The following GRM7 variants were observed in gnomAD, a reference collection of about 807,000 sequenced individuals.
The protein encoded by GRM7 is glutamate metabotropic receptor 7.
In GRM7, 35 loss-of-function variants were observed where a neutral mutation model predicts 84.5. That is an observed-to-expected ratio of 0.41 (90% CI 0.32 to 0.55). The LOEUF (loss-of-function observed/expected upper bound fraction) is 0.55, where lower values mean the gene tolerates loss of function less well. GRM7 is among the 20% of genes least tolerant of loss of function. The pLI is 0.19. For synonymous variants in GRM7, 487 were observed against 455.1 expected (o/e 1.07, Z -0.89); for missense variants, 1,003 against 1,194.6 (o/e 0.84, Z 2.36).
chr3:7,191,320 A>C (rs534936804), intron 2 of GRM7, among the ~76,000 whole-genome samples: 2 of 152,122 alleles, frequency 1.3e-5, no homozygotes, highest in South Asian at 4.2e-4. Context: ...CTTTATACCG[A>C]GACAACCAAA....
chr3:7,031,260 C>T (rs1002615764), intron 1 of GRM7, among the ~76,000 whole-genome samples: 7 of 152,000 alleles, frequency 4.6e-5, no homozygotes, highest in South Asian at 2.1e-4. Flanking sequence ...TCTCTTCACA[C>T]CTAAAATTCC....
chr3:6,987,552 G>T (rs941889623), intron 1 of GRM7, among the ~76,000 whole-genome samples: 1 of 152,168 alleles, frequency 6.6e-6, no homozygotes, highest in East Asian at 1.9e-4. Flanking sequence ...AGTGCAAAAA[G>T]CTTCAAGGCA....
At chr3:7,649,849 C>T (rs771590896) in intron 8 of GRM7, among the ~76,000 whole-genome samples, 13 of 151,094 alleles carry the variant, frequency 8.6e-5, no homozygotes, top group Non-Finnish European at 1.5e-4. Flanking sequence ...CAGGTTTGGG[C>T]GGGGGGGTAC....
At chr3:7,362,779 G>A (rs1480500959) in intron 4 of GRM7, among the ~76,000 whole-genome samples, 1 of 152,130 alleles carries the variant, frequency 6.6e-6, no homozygotes, top group Non-Finnish European at 1.5e-5. Context: ...CCTACTGCCT[G>A]ATACTTGAGT....
At chr3:6,939,472 G>A (rs990068013) in intron 1 of GRM7, among the ~76,000 whole-genome samples, 1 of 151,892 alleles carries the variant, frequency 6.6e-6, no homozygotes, top group African/African-American at 2.4e-5. Context: ...GTTATTTTGG[G>A]CACAGAGGAA....
At chr3:7,731,548 A>T (rs544207613) in intron 9 of GRM7, among the ~76,000 whole-genome samples, 1 of 152,290 alleles carries the variant, frequency 6.6e-6, no homozygotes, top group South Asian at 2.1e-4. Context: ...TTAGGCTACA[A>T]TTTAAATGAT....
chr3:7,571,382 CT>C (rs1281078170), intron 7 of GRM7, among the ~76,000 whole-genome samples: 2 of 152,140 alleles, frequency 1.3e-5, no homozygotes. Flanking sequence ...TGCTTTGCTG[CT>C]TAGAAATTTC....
At chr3:7,045,202 G>A (rs940241444) in intron 1 of GRM7, among the ~76,000 whole-genome samples, 2 of 152,084 alleles carry the variant, frequency 1.3e-5, no homozygotes, top group African/African-American at 4.8e-5. Flanking sequence ...AATCTCCATG[G>A]TATAACATTA....
At chr3:7,453,809 G>A (rs573678345) in intron 6 of GRM7, among the ~76,000 whole-genome samples, 8 of 152,144 alleles carry the variant, frequency 5.3e-5, no homozygotes, top group Admixed American at 4.6e-4. Flanking sequence ...AATAGGCTAA[G>A]CGGGAATACC....
At chr3:7,703,268 C>T (rs1213955966) in intron 9 of GRM7, among the ~76,000 whole-genome samples, 1 of 152,068 alleles carries the variant, frequency 6.6e-6, no homozygotes, top group Admixed American at 6.6e-5. Context: ...CACTCCAGAC[C>T]TGCTGAATCA....
intron 1 of GRM7, among the ~76,000 whole-genome samples, chr3:6,988,895 G>A (rs987712474): frequency 6.6e-6 from 1 of 152,158 alleles, no homozygotes; most frequent in Non-Finnish European, 1.5e-5. Context: ...TTAAGGCAAT[G>A]TTTCTCAAAG....
At chr3:6,871,598 G>A (rs1695122279) in intron 1 of GRM7, among the ~76,000 whole-genome samples, 1 of 151,664 alleles carries the variant, frequency 6.6e-6, no homozygotes, top group Admixed American at 6.6e-5. Context: ...CCATTAAACA[G>A]ATTTTGTGGC....
intron 1 of GRM7, among the ~76,000 whole-genome samples, chr3:7,135,678 G>T (rs541912063): frequency 3.3e-5 from 5 of 151,248 alleles, no homozygotes; most frequent in Non-Finnish European, 5.9e-5. Context: ...AAGAGAGGAA[G>T]AATATAATAT....
intron 1 of GRM7, among the ~76,000 whole-genome samples, chr3:6,912,282 TATA>T (rs1217590987): frequency 6.6e-6 from 1 of 152,192 alleles, no homozygotes; most frequent in Non-Finnish European, 1.5e-5. Flanking sequence ...TAGAATGAGC[TATA>T]ATATGCCCTG....
At chr3:7,648,456 G>A (rs12635626) in intron 8 of GRM7, among the ~76,000 whole-genome samples, 1 of 151,930 alleles carries the variant, frequency 6.6e-6, no homozygotes, top group African/African-American at 2.4e-5. Flanking sequence ...AGACCAGCCT[G>A]GCCAACATAG....
At position 7,598,201 on chromosome 3, in the gene GRM7, C is replaced by T. The variant is rs3804881; in HGVS notation, c.2451+18844C>T. 3.3e-5 allele frequency among the ~76,000 whole-genome samples: 5 copies of T among 152,286 alleles called. No individual in the cohort carries two copies. In the East Asian group the frequency reaches 9.6e-4, roughly 29 times the overall value. ...GTATGAGGCAGTAAGAGATAAATCC[C>T]CACATCCCAGTGGTGGGTAACAAAG... On this transcript the variant is annotated intron_variant, in intron 8 of 9. Transcript: ENST00000357716.
At chr3:6,975,220 G>A (rs534715653) in intron 1 of GRM7, among the ~76,000 whole-genome samples, 14 of 152,274 alleles carry the variant, frequency 9.2e-5, no homozygotes, top group African/African-American at 3.1e-4. Context: ...GGATAATGAG[G>A]TCTTAGAAGA....
chr3:7,723,308 A>G (rs1279721454), intron 9 of GRM7, among the ~76,000 whole-genome samples: 1 of 152,130 alleles, frequency 6.6e-6, no homozygotes, highest in Non-Finnish European at 1.5e-5. Flanking sequence ...GGAACTCCTG[A>G]GCTTCCTCAA....
In GRM7 at chr3:7,677,126, G is replaced by A. The variant is rs189697794; in HGVS notation, c.2452-2923G>A. 2.2e-3 allele frequency among the ~76,000 whole-genome samples: 338 copies of A among 151,956 alleles called. 3 individuals carry two copies. The highest frequency in any genetic ancestry group is 7.6e-3 in the African/African-American group (317 of 41,456). Reference sequence around the variant, plus strand: ...AATACAAAAAAATTAGCCGGGCGCGGTGGCACGTGCCTGTAGTCCCAGCTA... The same window carrying A: ...AATACAAAAAAATTAGCCGGGCGCGATGGCACGTGCCTGTAGTCCCAGCTA... On this transcript the variant is annotated intron_variant, in intron 8 of 9. Coordinates refer to ENST00000357716, the MANE Select transcript of GRM7 (RefSeq NM_000844.4).
Sources: allele counts gnomAD v4.1 joint callset (sites outside exome capture counted in the v4.1 genomes callset), GRCh38; gene constraint gnomAD v4.1.1; transcripts MANE v1.5; gene names NCBI Gene and HGNC (gene_info 2026-07-23, HGNC 2026-07-21).